Variants in NCKAP5 observed in about 807,000 individuals in gnomAD.
NCKAP5 encodes NCK associated protein 5.
A neutral mutation model predicts 167.0 loss-of-function variants in NCKAP5; 92 were observed. That is an observed-to-expected ratio of 0.55 (90% CI 0.47 to 0.66). The LOEUF (loss-of-function observed/expected upper bound fraction) is 0.66, where lower values mean the gene tolerates loss of function less well. NCKAP5 is among the 30% of genes least tolerant of loss of function. The probability of loss-of-function intolerance (pLI) is 0.00; values close to 1 mark genes in which losing one functional copy is unlikely to be tolerated. For missense variants in NCKAP5, 2,378 were observed against 2,315.0 expected (o/e 1.03, Z -0.56); for synonymous variants, 891 against 877.4 (o/e 1.02, Z -0.27).
intron 6 of NCKAP5, among the ~76,000 whole-genome samples, chr2:133,049,544 C>CAAAAA (rs59494014): frequency 1.4e-4 from 11 of 78,254 alleles, no homozygotes; most frequent in African/African-American, 2.5e-4. Flanking sequence ...GACTCTGTCT[C>CAAAAA]AAAAAAAAAA....
At chr2:132,844,235 CT>C (rs1248701583) in intron 11 of NCKAP5, among the ~76,000 whole-genome samples, 5 of 152,026 alleles carry the variant, frequency 3.3e-5, no homozygotes, top group African/African-American at 1.2e-4. Flanking sequence ...TATTTATAAA[CT>C]TTTCCTACCC....
chr2:133,056,966 T>G (rs1402833544), intron 6 of NCKAP5, among the ~76,000 whole-genome samples: 2 of 152,216 alleles, frequency 1.3e-5, no homozygotes, highest in African/African-American at 2.4e-5. Context: ...TCCAACAGCA[T>G]GTACTCACTT....
At chr2:133,276,100 T>C (rs1159691651) in intron 4 of NCKAP5, among the ~76,000 whole-genome samples, 9 of 152,124 alleles carry the variant, frequency 5.9e-5, no homozygotes, top group African/African-American at 1.7e-4. Context: ...AAGGTCTTTA[T>C]GATGATCCAC....
intron 16 of NCKAP5, among the ~76,000 whole-genome samples, chr2:132,770,603 C>A (rs188074487): frequency 2.0e-5 from 3 of 152,008 alleles, no homozygotes; most frequent in Non-Finnish European, 4.4e-5. Flanking sequence ...AACACCAAGT[C>A]AATTATCTAT....
intron 5 of NCKAP5, among the ~76,000 whole-genome samples, chr2:133,176,119 A>G (rs2084449760): frequency 6.6e-6 from 1 of 152,178 alleles, no homozygotes; most frequent in Admixed American, 6.5e-5. Context: ...TGGGTTCCCA[A>G]CAAAAGGGTG....
intron 2 of NCKAP5, among the ~76,000 whole-genome samples, chr2:133,557,288 T>C (rs1687809857): frequency 1.3e-5 from 2 of 152,116 alleles, no homozygotes. Flanking sequence ...TTTGCTGAAA[T>C]TTCCTTTCCC....
intron 11 of NCKAP5, among the ~76,000 whole-genome samples, chr2:132,797,621 G>A (rs780123463): frequency 3.9e-5 from 6 of 152,090 alleles, no homozygotes; most frequent in African/African-American, 7.2e-5. Context: ...TGCCTCTCTC[G>A]CTTCCGAAAA....
At chr2:133,486,270 T>G (rs1680895349) in intron 3 of NCKAP5, among the ~76,000 whole-genome samples, 1 of 152,234 alleles carries the variant, frequency 6.6e-6, no homozygotes, top group Non-Finnish European at 1.5e-5. Context: ...AGACATCACA[T>G]GCCTTTTTCC....
intron 16 of NCKAP5, among the ~76,000 whole-genome samples, chr2:132,767,986 T>C (rs1476819268): frequency 2.0e-5 from 3 of 152,202 alleles, no homozygotes; most frequent in Non-Finnish European, 2.9e-5. Flanking sequence ...CATGCTACAG[T>C]CTGGCAGTAG....
At chr2:132,804,678 T>TG (rs1685296104) in intron 11 of NCKAP5, among the ~76,000 whole-genome samples, 1 of 152,130 alleles carries the variant, frequency 6.6e-6, no homozygotes, top group African/African-American at 2.4e-5. Flanking sequence ...ACTTGCTCTG[T>TG]GGGGGGAAGA....
intron 9 of NCKAP5, among the ~76,000 whole-genome samples, 190 bp downstream of exon 9, chr2:132,878,655 CGCA>C (rs1558891378): frequency 3.9e-4 from 19 of 48,890 alleles, no homozygotes; most frequent in African/African-American, 1.3e-3. Context: ...CACACACACA[CGCA>C]CGCATACACA....
intron 3 of NCKAP5, among the ~76,000 whole-genome samples, chr2:133,375,761 A>G (rs1011247043): frequency 3.3e-5 from 5 of 152,340 alleles, no homozygotes; most frequent in Middle Eastern, 3.4e-3. Context: ...TGTCCCTACA[A>G]AGGAAATTAT....
At chr2:132,972,027 C>T (rs1231995667) in intron 7 of NCKAP5, among the ~76,000 whole-genome samples, 1 of 152,142 alleles carries the variant, frequency 6.6e-6, no homozygotes, top group East Asian at 1.9e-4. Context: ...GATTTAATTT[C>T]TATTATTAAC....
chr2:132,882,884 C>T (rs1353105314), intron 8 of NCKAP5, among the ~76,000 whole-genome samples: 2 of 151,994 alleles, frequency 1.3e-5, no homozygotes, highest in Admixed American at 6.6e-5. Flanking sequence ...TCCTCTGTTA[C>T]TTTTAAAATC....
At chr2:132,986,832 T>C (rs560877360) in intron 7 of NCKAP5, among the ~76,000 whole-genome samples, 1 of 152,216 alleles carries the variant, frequency 6.6e-6, no homozygotes, top group East Asian at 1.9e-4. Context: ...CAGCAATAAC[T>C]TAAGCATACC....
chr2:133,086,561 G>A (rs1435178464), intron 6 of NCKAP5, among the ~76,000 whole-genome samples: 1 of 152,058 alleles, frequency 6.6e-6, no homozygotes, highest in African/African-American at 2.4e-5. Flanking sequence ...AGGATCGCCT[G>A]AGCCTAGGAA....
intron 3 of NCKAP5, among the ~76,000 whole-genome samples, chr2:133,484,102 A>G (rs16825622): frequency 0.024 from 3,687 of 152,290 alleles, 149 homozygotes; most frequent in African/African-American, 0.084. Context: ...AGGCCCTTGC[A>G]TGATGGATTT....
intron 8 of NCKAP5, among the ~76,000 whole-genome samples, chr2:132,923,617 A>G (rs1695612695): frequency 6.6e-6 from 1 of 152,212 alleles, no homozygotes; most frequent in South Asian, 2.1e-4. Flanking sequence ...GGCTCTTTAC[A>G]GAGAATAAAA....
At chr2:132,812,000 C>T (rs1233026470) in intron 11 of NCKAP5, among the ~76,000 whole-genome samples, 4 of 152,164 alleles carry the variant, frequency 2.6e-5, no homozygotes, top group African/African-American at 9.7e-5. Flanking sequence ...TGACTCAGCT[C>T]CAGGTAAAGT....
Sources: allele counts gnomAD v4.1 joint callset (sites outside exome capture counted in the v4.1 genomes callset), GRCh38; gene constraint gnomAD v4.1.1; transcripts MANE v1.5; gene names NCBI Gene and HGNC (gene_info 2026-07-23, HGNC 2026-07-21).